Variants in SNRPN observed in about 807,000 individuals in gnomAD.
SNRPN encodes the protein small nuclear ribonucleoprotein-associated protein N.
SNRPN carries 7 observed loss-of-function variants against 25.2 expected under a neutral mutation model. That is an observed-to-expected ratio of 0.28 (90% CI 0.16 to 0.52). The LOEUF (loss-of-function observed/expected upper bound fraction) is 0.52. SNRPN is among the 20% of genes least tolerant of loss of function. SNRPN has a pLI of 0.96. For synonymous variants in SNRPN, 124 were observed against 110.6 expected (o/e 1.12, Z -0.76); for missense variants, 196 against 322.5 (o/e 0.61, Z 3.00).
chr15:24,841,900 G>A (rs942231462), intron 2 of SNRPN, among the ~76,000 whole-genome samples: 1 of 152,094 alleles, frequency 6.6e-6, no homozygotes. Flanking sequence ...CTGACAATAA[G>A]GGATCACATA....
At chr15:24,865,432 C>T (rs1341160905) in intron 1 of SNRPN, among the ~76,000 whole-genome samples, 2 of 152,180 alleles carry the variant, frequency 1.3e-5, no homozygotes, top group African/African-American at 4.8e-5. Flanking sequence ...TACACAATCT[C>T]TAGAAACCAG....
intron 1 of SNRPN, among the ~76,000 whole-genome samples, chr15:24,957,847 T>TGTAGG (rs1273767343): frequency 3.3e-5 from 5 of 152,194 alleles, no homozygotes; most frequent in Non-Finnish European, 7.3e-5. Context: ...TCCGCCATTT[T>TGTAGG]GTAGTCTTGC....
chr15:24,882,755 C>T (rs940364445), intron 1 of SNRPN, among the ~76,000 whole-genome samples: 1 of 150,916 alleles, frequency 6.6e-6, no homozygotes, highest in Admixed American at 6.7e-5. Flanking sequence ...ACCCAGGAGG[C>T]AGATGTTGCA....
At chr15:24,829,268 C>T (rs957431633) in intron 1 of SNRPN, among the ~76,000 whole-genome samples, 1 of 152,042 alleles carries the variant, frequency 6.6e-6, no homozygotes, top group Non-Finnish European at 1.5e-5. Flanking sequence ...AAGAGCTGCC[C>T]TTGGGAGCCC....
chr15:24,965,632 C>A (rs2075502471), intron 2 of SNRPN, among the ~76,000 whole-genome samples: 1 of 152,108 alleles, frequency 6.6e-6, no homozygotes. Flanking sequence ...TTCTTTGGGG[C>A]TGGATGATGT....
At chr15:24,978,120 G>T in intron 8 of SNRPN, 73 bp from the exon 9 acceptor site, 1 of 1,479,544 alleles carries the variant, frequency 6.8e-7, no homozygotes, top group Non-Finnish European at 9.3e-7. Context: ...TTTCTTTAGG[G>T]ATTATTTGGG....
chr15:24,924,096 T>C (rs1452819346), intron 3 of SNRPN, among the ~76,000 whole-genome samples: 2 of 151,538 alleles, frequency 1.3e-5, no homozygotes, highest in East Asian at 1.9e-4. Flanking sequence ...ACCTTTCCTC[T>C]ACTTTCTGAG....
At position 24,826,880 on chromosome 15, in the gene SNRPN, G is replaced by A. The variant is rs550687218; in HGVS notation, c.-686-2918G>A. On this transcript the variant is annotated intron_variant, in intron 1 of 12. Coordinates refer to the SNRPN transcript ENST00000400100. Reference sequence around the variant, plus strand: ...GCAATTTTGTCATTATGAGAACAACGTAGAGAGTACTTACACAAACTTAGA... The same window carrying A: ...GCAATTTTGTCATTATGAGAACAACATAGAGAGTACTTACACAAACTTAGA... 7.9e-5 allele frequency among the ~76,000 whole-genome samples: 12 copies of A among 152,126 alleles called. 1 individual carries two copies. The highest frequency in any genetic ancestry group is 3.9e-4 in the East Asian group (2 of 5,178).
chr15:24,935,070 G>A (rs919816678), intron 3 of SNRPN, among the ~76,000 whole-genome samples: 4 of 152,016 alleles, frequency 2.6e-5, no homozygotes, highest in Non-Finnish European at 4.4e-5. Context: ...TCAGGAGTTC[G>A]AGACCAGCCT....
At chr15:24,917,725 C>A (rs995942259) in intron 2 of SNRPN, among the ~76,000 whole-genome samples, 2 of 152,232 alleles carry the variant, frequency 1.3e-5, no homozygotes, top group African/African-American at 4.8e-5. Flanking sequence ...TCCGCAGCCA[C>A]GGGAAGCCCG....
intron 2 of SNRPN, among the ~76,000 whole-genome samples, chr15:24,844,133 T>C (rs2051974437): frequency 6.7e-6 from 1 of 149,906 alleles, no homozygotes; most frequent in Non-Finnish European, 1.5e-5. Flanking sequence ...GTGTCTGTAG[T>C]GTGTGTGTGT....
intron 1 of SNRPN, among the ~76,000 whole-genome samples, chr15:24,875,001 T>C (rs758338558): frequency 1.3e-5 from 2 of 152,198 alleles, no homozygotes; most frequent in Non-Finnish European, 2.9e-5. Context: ...AATATAAAAT[T>C]GTAAGTGATA....
intron 3 of SNRPN, among the ~76,000 whole-genome samples, chr15:24,969,649 T>C (rs2076151738): frequency 6.6e-6 from 1 of 151,502 alleles, no homozygotes; most frequent in South Asian, 2.1e-4. Flanking sequence ...GTTCACAGAT[T>C]TTTGTAAATT....
At chr15:24,938,077 G>T (rs1026042619) in intron 3 of SNRPN, among the ~76,000 whole-genome samples, 2 of 151,046 alleles carry the variant, frequency 1.3e-5, no homozygotes, top group African/African-American at 4.9e-5. Context: ...ATGAACATGG[G>T]TGTGCAGATA....
intron 2 of SNRPN, among the ~76,000 whole-genome samples, chr15:24,912,763 C>A (rs2059289330): frequency 6.6e-6 from 1 of 152,160 alleles, no homozygotes; most frequent in Non-Finnish European, 1.5e-5. Flanking sequence ...CTGCCCCATT[C>A]ACCATGTGAG....
At chr15:24,948,610 C>T (rs1006724035) in intron 3 of SNRPN, among the ~76,000 whole-genome samples, 2 of 151,968 alleles carry the variant, frequency 1.3e-5, no homozygotes, top group African/African-American at 2.4e-5. Context: ...GGATCTCACC[C>T]AGGAAATCAC....
chr15:24,826,441 A>G (rs1240101252), intron 1 of SNRPN, among the ~76,000 whole-genome samples: 1 of 152,110 alleles, frequency 6.6e-6, no homozygotes. Flanking sequence ...TGCCTGATGT[A>G]CTGTGTCTTG....
chr15:24,895,400 AACACACACACACACACACAC>A (rs10558727), intron 2 of SNRPN, among the ~76,000 whole-genome samples: 6 of 147,234 alleles, frequency 4.1e-5, no homozygotes, highest in Non-Finnish European at 9.0e-5. Flanking sequence ...AATACACCCA[AACACACACACACACACACAC>A]ACACACACAC....
In SNRPN at chr15:24,929,184, T is replaced by C. The variant is rs1015205052; in HGVS notation, c.-391+9060T>C. 1.3e-5 allele frequency among the ~76,000 whole-genome samples: 2 copies of C among 152,132 alleles called. No homozygotes were observed. Among genetic ancestry groups the C allele is most frequent in the African/African-American group, 4.8e-5 (2 of 41,442 alleles). ...ATGTATGTAGCTATATGTGTGTATG[T>C]GTATATATATCTTCATGTATTTATA... On this transcript the variant is annotated intron_variant, in intron 3 of 11. Coordinates refer to the SNRPN transcript ENST00000400097. This position sits in a 1 kb window ranked among gnomAD's most constrained non-coding sequence, Gnocchi z 5.3.
Sources: allele counts gnomAD v4.1 joint callset (sites outside exome capture counted in the v4.1 genomes callset), GRCh38; gene constraint gnomAD v4.1.1; non-coding constraint Gnocchi (gnomAD v3.1); transcripts MANE v1.5; gene names NCBI Gene and HGNC (gene_info 2026-07-23, HGNC 2026-07-21).